Variants in CFAP54 observed in about 807,000 individuals in gnomAD.
CFAP54 encodes the protein cilia- and flagella-associated protein 54.
Under a neutral mutation model 370.4 loss-of-function variants are expected in CFAP54, and 290 were observed. That is an observed-to-expected ratio of 0.78 (90% CI 0.71 to 0.86). The LOEUF is 0.86. Ranked by LOEUF, CFAP54 falls within the 40% of genes least tolerant of loss-of-function variation. CFAP54 has a pLI of 0.00. For missense variants in CFAP54, 3,399 were observed against 3,528.7 expected, an observed-to-expected ratio of 0.96 and a Z score of 0.93; for synonymous variants, 1,206 against 1,236.5, an observed-to-expected ratio of 0.98 and a Z score of 0.52.
At chr12:96,546,048 A>C (rs987782958) in intron 14 of CFAP54, among the ~76,000 whole-genome samples, 2 of 152,198 alleles carry the variant, frequency 1.3e-5, no homozygotes, top group Non-Finnish European at 2.9e-5. Context: ...AGACCCAGGG[A>C]GGGGGTCACA....
At chr12:96,863,524 A>G (rs1959929904) in intron 67 of CFAP54, among the ~76,000 whole-genome samples, 1 of 152,244 alleles carries the variant, frequency 6.6e-6, no homozygotes, top group South Asian at 2.1e-4. Flanking sequence ...TGAGCTCTTC[A>G]TCGCTAAGCT....
At position 96,679,576 on chromosome 12, in the gene CFAP54, T is replaced by A. The variant is rs186569217; in HGVS notation, c.5564-24T>A. 22 of 1,600,828 alleles carry A rather than the reference T, an allele frequency of 1.4e-5. No homozygotes were observed. The East Asian group carries it at 4.7e-4, about 34-fold the overall frequency. ...GCTTGGTGCAGCATTTCATCCCCAATATTCCGCTTTTCTTTCCTTTCAGAA... is the reference window on the plus strand; with the variant it reads ...GCTTGGTGCAGCATTTCATCCCCAAAATTCCGCTTTTCTTTCCTTTCAGAA... On this transcript the variant is annotated intron_variant, in intron 39 of 67. Transcript: ENST00000524981.
intron 32 of CFAP54, among the ~76,000 whole-genome samples, chr12:96,631,248 G>A (rs1956604608): frequency 1.3e-5 from 2 of 151,494 alleles, no homozygotes; most frequent in South Asian, 4.2e-4. Flanking sequence ...TTTTTAGATA[G>A]GTATAAAAAT....
intron 14 of CFAP54, among the ~76,000 whole-genome samples, chr12:96,546,690 A>G (rs1170151336): frequency 6.6e-6 from 1 of 152,078 alleles, no homozygotes; most frequent in East Asian, 1.9e-4. Context: ...TTAGCTGAGC[A>G]TGGTGGCATG....
rs1038493338 is a variant in CFAP54 at position 96,564,634 on chromosome 12, G to T, written c.2498-10G>T. On this transcript the variant is annotated splice_polypyrimidine_tract_variant and intron_variant, in intron 18 of 67. Transcript: ENST00000524981. The stretch of plus-strand genomic sequence containing the variant: ...ATCTCACCTTTTTGGTAAAATGTTT[G>T]TTTTTATAGAATTAAATATAATGAA... 2.2e-5 allele frequency: 14 copies of T among 645,070 alleles called. No homozygotes were observed. The highest frequency in any genetic ancestry group is 3.2e-4 in the Middle Eastern group (1 of 3,162). The allele number at this position is 645,070 out of a possible 1,614,324, so 40.0% of individuals were successfully genotyped here.
chr12:96,495,481 A>AT (rs1301419672), intron 1 of CFAP54, among the ~76,000 whole-genome samples: 64 of 126,074 alleles, frequency 5.1e-4, no homozygotes, highest in Middle Eastern at 4.0e-3. Flanking sequence ...CGCCCGGCTA[A>AT]TTTTTGTTTT....
intron 30 of CFAP54, among the ~76,000 whole-genome samples, chr12:96,628,503 G>C (rs1048735097): frequency 6.6e-6 from 1 of 152,186 alleles, no homozygotes; most frequent in African/African-American, 2.4e-5. Flanking sequence ...GTGAGGGAGA[G>C]AGAGAGGAGA....
intron 66 of CFAP54, among the ~76,000 whole-genome samples, chr12:96,845,396 C>G (rs75091790): frequency 0.015 from 2,323 of 152,308 alleles, 76 homozygotes; most frequent in African/African-American, 0.054. Flanking sequence ...TTGAAAACTT[C>G]GTTTTCTCAG....
intron 39 of CFAP54, among the ~76,000 whole-genome samples, chr12:96,665,017 G>C (rs1301898561): frequency 6.6e-6 from 1 of 151,438 alleles, no homozygotes; most frequent in Admixed American, 6.6e-5. Flanking sequence ...ATTCTGACTG[G>C]TGTGAGATGG....
intron 63 of CFAP54, among the ~76,000 whole-genome samples, chr12:96,795,874 TC>T (rs1368810570): frequency 2.6e-5 from 4 of 152,128 alleles, no homozygotes; most frequent in Admixed American, 2.6e-4. Context: ...CTGTGATCTT[TC>T]CCCAATTCCA....
intron 8 of CFAP54, among the ~76,000 whole-genome samples, chr12:96,523,013 C>T (rs1955337758): frequency 6.6e-6 from 1 of 152,142 alleles, no homozygotes; most frequent in African/African-American, 2.4e-5. Context: ...TTGTCTTTTT[C>T]TTCTTCTTCT....
At chr12:96,584,080 T>A (rs1186328940) in intron 22 of CFAP54, among the ~76,000 whole-genome samples, 1 of 152,182 alleles carries the variant, frequency 6.6e-6, no homozygotes, top group Non-Finnish European at 1.5e-5. Context: ...ACTCCCACTT[T>A]GTATGTGAAT....
At chr12:96,537,049 C>G (rs1277903318) in intron 12 of CFAP54, among the ~76,000 whole-genome samples, 1 of 152,186 alleles carries the variant, frequency 6.6e-6, no homozygotes, top group African/African-American at 2.4e-5. Context: ...TATTCCCAAA[C>G]ATTGCAGGAA....
At chr12:96,589,300 G>A in intron 22 of CFAP54, 127 bp from the exon 23 acceptor site, 1 of 747,998 alleles carries the variant, frequency 1.3e-6, no homozygotes. Context: ...GTGAATGATT[G>A]TATCTGAAAT....
chr12:96,597,451 TA>T (rs1956192023), intron 25 of CFAP54, among the ~76,000 whole-genome samples: 1 of 151,888 alleles, frequency 6.6e-6, no homozygotes, highest in African/African-American at 2.4e-5. Context: ...ACTGAGCATG[TA>T]AAAGGGTATT....
chr12:96,826,477 A>G (rs1248843681), intron 65 of CFAP54, among the ~76,000 whole-genome samples: 1 of 120,286 alleles, frequency 8.3e-6, no homozygotes, highest in African/African-American at 3.2e-5. Flanking sequence ...ATTATATAAT[A>G]TATGTAAATA....
At chr12:96,539,578 G>A (rs1463901219) in intron 13 of CFAP54, among the ~76,000 whole-genome samples, 5 of 152,086 alleles carry the variant, frequency 3.3e-5, no homozygotes, top group African/African-American at 1.2e-4. Context: ...AGTAGGCTGA[G>A]GCAGGAGGAT....
chr12:96,491,185 C>G (rs766473645), intron 1 of CFAP54, among the ~76,000 whole-genome samples: 3 of 151,960 alleles, frequency 2.0e-5, no homozygotes, highest in Non-Finnish European at 4.4e-5. Flanking sequence ...TAGGGAAGGT[C>G]AGGAAAAGTT....
At chr12:96,732,922 C>A (rs11615200) in intron 50 of CFAP54, among the ~76,000 whole-genome samples, 2,733 of 152,134 alleles carry the variant, frequency 0.018, 44 homozygotes, top group Non-Finnish European at 0.029. Context: ...TTTATCAATA[C>A]CTTCATTCTT....
Sources: allele counts gnomAD v4.1 joint callset (sites outside exome capture counted in the v4.1 genomes callset), GRCh38; gene constraint gnomAD v4.1.1; transcripts MANE v1.5; gene names NCBI Gene and HGNC (gene_info 2026-07-23, HGNC 2026-07-21).